Variants in DPP10 observed in about 807,000 individuals in gnomAD.
The protein encoded by DPP10 is dipeptidyl peptidase like 10.
In DPP10, 33 loss-of-function variants were observed where a neutral mutation model predicts 120.9. The ratio of observed to expected loss-of-function variants is 0.27; its 90% CI spans 0.21 to 0.37. DPP10 has a LOEUF of 0.37. Ranked by LOEUF, DPP10 falls within the 10% of genes least tolerant of loss-of-function variation. The pLI is 1.00. For missense variants in DPP10, 816 were observed against 942.8 expected, an observed-to-expected ratio of 0.87 and a Z score of 1.76; for synonymous variants, 337 against 326.1, an observed-to-expected ratio of 1.03 and a Z score of -0.36.
At chr2:115,159,108 G>A (rs2052110830) in intron 1 of DPP10, among the ~76,000 whole-genome samples, 1 of 151,886 alleles carries the variant, frequency 6.6e-6, no homozygotes, top group Admixed American at 6.6e-5. Context: ...CAAAAACTTA[G>A]AGAATGAGAA....
chr2:114,757,729 A>T (rs1017518678), intron 1 of DPP10, among the ~76,000 whole-genome samples: 1 of 152,146 alleles, frequency 6.6e-6, no homozygotes, highest in African/African-American at 2.4e-5. Context: ...AAATTCTCAC[A>T]ACCTGCCCCA....
At chr2:114,604,242 T>C (rs1692610064) in intron 1 of DPP10, among the ~76,000 whole-genome samples, 1 of 152,038 alleles carries the variant, frequency 6.6e-6, no homozygotes, top group Non-Finnish European at 1.5e-5. Flanking sequence ...GAGCCATTCT[T>C]ATCAGGGAAT....
intron 5 of DPP10, among the ~76,000 whole-genome samples, chr2:115,668,640 T>G (rs73946589): frequency 1.1e-3 from 168 of 152,278 alleles, no homozygotes; most frequent in African/African-American, 4.0e-3. Context: ...CTGATTTACC[T>G]TATGTTTAAA....
At chr2:115,295,397 T>G (rs1388459638) in intron 1 of DPP10, among the ~76,000 whole-genome samples, 1 of 152,146 alleles carries the variant, frequency 6.6e-6, no homozygotes, top group East Asian at 1.9e-4. Context: ...ATACTACTTT[T>G]CTGCAGATAT....
chr2:115,711,917 T>TTTTTTTTG (rs2092330734), intron 7 of DPP10, among the ~76,000 whole-genome samples: 1 of 21,750 alleles, frequency 4.6e-5, no homozygotes, highest in Non-Finnish European at 1.4e-4. Context: ...AATGGTCTGG[T>TTTTTTTTG]TTTTTTTTTT....
chr2:115,198,634 T>C (rs769676145), intron 1 of DPP10, among the ~76,000 whole-genome samples: 2 of 152,180 alleles, frequency 1.3e-5, no homozygotes, highest in Non-Finnish European at 2.9e-5. Context: ...CTAGAGGGAT[T>C]TACTTAAAAT....
intron 19 of DPP10, among the ~76,000 whole-genome samples, chr2:115,803,974 G>A (rs1685593151): frequency 6.6e-6 from 1 of 152,020 alleles, no homozygotes; most frequent in Non-Finnish European, 1.5e-5. Flanking sequence ...CTGAATATTG[G>A]CCTTCCTTGC....
chr2:114,940,269 AG>A (rs2035775764), intron 1 of DPP10, among the ~76,000 whole-genome samples: 1 of 152,208 alleles, frequency 6.6e-6, no homozygotes, highest in Non-Finnish European at 1.5e-5. Flanking sequence ...TATTACACCA[AG>A]AAGCTTACAC....
chr2:114,464,493 A>G (rs1037079303), intron 1 of DPP10, among the ~76,000 whole-genome samples: 2 of 152,218 alleles, frequency 1.3e-5, no homozygotes, highest in African/African-American at 4.8e-5. Context: ...AATATTTCAG[A>G]TACATATCGT....
intron 5 of DPP10, among the ~76,000 whole-genome samples, chr2:115,654,180 C>T (rs368257162): frequency 6.6e-6 from 1 of 151,670 alleles, no homozygotes; most frequent in African/African-American, 2.4e-5. Flanking sequence ...GTGTTAGCTT[C>T]ATCACAAGCA....
chr2:115,485,238 CA>C (rs70941066), intron 3 of DPP10, among the ~76,000 whole-genome samples: 62,549 of 122,914 alleles, frequency 0.51, 13,842 homozygotes, highest in Middle Eastern at 0.58. Context: ...AACACTGTTC[CA>C]AAAAAAAAAA....
intron 1 of DPP10, among the ~76,000 whole-genome samples, chr2:114,809,801 C>A (rs1371014713): frequency 6.6e-6 from 1 of 152,120 alleles, no homozygotes; most frequent in East Asian, 1.9e-4. Context: ...TGAGAATCTG[C>A]ATTTCTAACA....
intron 1 of DPP10, among the ~76,000 whole-genome samples, chr2:115,189,209 G>A (rs893116343): frequency 6.6e-6 from 1 of 152,304 alleles, no homozygotes; most frequent in African/African-American, 2.4e-5. Flanking sequence ...CTACTGCTGT[G>A]TCATTCCCCT....
rs1027348214 is a variant in DPP10 at position 115,540,851 on chromosome 2, A to G, written c.441+14879A>G. The stretch of plus-strand genomic sequence containing the variant: ...CTTTTTTGCAGTTGAATTTCATTTA[A>G]TATGTATGCCTGTATAGTAACACAT... On this transcript the variant is annotated intron_variant, in intron 5 of 25. Coordinates refer to ENST00000410059, the MANE Select transcript of DPP10 (RefSeq NM_020868.6). Among the ~76,000 whole-genome samples the G allele has an allele frequency of 7.2e-5, 11 of 151,998 alleles. No individual in the cohort carries two copies. The East Asian group carries it at 2.1e-3, about 29-fold the overall frequency.
At chr2:115,035,739 A>T (rs530196237) in intron 1 of DPP10, among the ~76,000 whole-genome samples, 3 of 152,350 alleles carry the variant, frequency 2.0e-5, no homozygotes, top group Non-Finnish European at 4.4e-5. Context: ...TAAAATGCTG[A>T]AACTACTTTA....
At position 115,739,856 on chromosome 2, in the gene DPP10, C is replaced by T. The variant is rs763996298; in HGVS notation, c.815C>T (p.Ala272Val). ...PTMVIPRFTG[A>V]LYPKGKQYPY... ...ATGGTTATCCCTCGGTTTACTGGAGCGTTGTATCCCAAAGGAAAGCAGTAT... is the reference window on the plus strand; with the variant it reads ...ATGGTTATCCCTCGGTTTACTGGAGTGTTGTATCCCAAAGGAAAGCAGTAT... The change falls in exon 9 of 26, where the codon GCG (alanine) becomes GTG (valine). Residue 272 changes from alanine to valine, a missense_variant. Ala to Val is a moderately conservative substitution (Grantham distance 64, BLOSUM62 0). Around this residue, in one of 3 missense-constraint regions of DPP10, gnomAD observed 592 missense variants for 649.0 expected, o/e 0.91. Transcript: ENST00000410059. The T allele has an allele frequency of 6.2e-6, 10 of 1,613,292 alleles. No individual in the cohort carries two copies. Among genetic ancestry groups the T allele is most frequent in the South Asian group, 1.1e-5 (1 of 91,068 alleles).
At chr2:114,776,911 G>A (rs1681796535) in intron 1 of DPP10, among the ~76,000 whole-genome samples, 1 of 151,572 alleles carries the variant, frequency 6.6e-6, no homozygotes, top group Non-Finnish European at 1.5e-5. Flanking sequence ...ACTTTCTAAG[G>A]ATCAGTGTTC....
At chr2:115,096,477 G>C (rs1266068558) in intron 1 of DPP10, among the ~76,000 whole-genome samples, 1 of 152,128 alleles carries the variant, frequency 6.6e-6, no homozygotes, top group Non-Finnish European at 1.5e-5. Flanking sequence ...GAAGACAGTA[G>C]GTAGATTAGA....
intron 2 of DPP10, among the ~76,000 whole-genome samples, chr2:115,325,397 T>C (rs928251221): frequency 1.3e-5 from 2 of 152,246 alleles, no homozygotes; most frequent in African/African-American, 4.8e-5. Flanking sequence ...GCTGATGATA[T>C]TACCAAATAG....
Sources: allele counts gnomAD v4.1 joint callset (sites outside exome capture counted in the v4.1 genomes callset), GRCh38; gene constraint gnomAD v4.1.1; regional missense constraint gnomAD v4.1.1; transcripts MANE v1.5; gene names NCBI Gene and HGNC (gene_info 2026-07-23, HGNC 2026-07-21).